Variants in NAT10 observed in about 807,000 individuals in gnomAD.
NAT10 encodes N-acetyltransferase 10.
Under a neutral mutation model 132.2 loss-of-function variants are expected in NAT10, and 109 were observed. The observed-to-expected ratio is 0.82, with a 90% CI of 0.71 to 0.97. NAT10 has a LOEUF of 0.97. NAT10 is among the 50% of genes least tolerant of loss of function. The pLI is 0.00. For missense variants in NAT10, 1,184 were observed against 1,263.4 expected, an observed-to-expected ratio of 0.94 and a Z score of 0.95; for synonymous variants, 479 against 478.0, an observed-to-expected ratio of 1.00 and a Z score of -0.03.
intron 3 of NAT10, among the ~76,000 whole-genome samples, chr11:34,111,773 TACCC>T (rs2134153795): frequency 6.6e-6 from 1 of 152,372 alleles, no homozygotes; most frequent in Non-Finnish European, 1.5e-5. Flanking sequence ...GAGGGTTAGC[TACCC>T]TATTACCCAT....
chr11:34,134,399 T>A lies in NAT10; in HGVS notation c.1815T>A (p.Ile605=). The A allele has an allele frequency of 6.2e-7, 1 of 1,614,160 alleles. No individual in the cohort carries two copies. The highest frequency in any genetic ancestry group is 8.5e-7 in the Non-Finnish European group (1 of 1,180,018). Residue 605 remains isoleucine, a synonymous_variant, in exon 17 of 29, where the codon ATT becomes ATA. Transcript: ENST00000257829. ...SRGKKASGDL[I]PWTVSEQFQD... ...GCAAGAAGGCTTCAGGGGACCTGAT[T>A]CCATGGACAGTGTCAGAACAGGTGA...
intron 25 of NAT10, 103 bp downstream of exon 25, chr11:34,141,311 C>T (rs904460869): frequency 2.9e-5 from 42 of 1,452,590 alleles, no homozygotes; most frequent in Admixed American, 1.1e-4. Flanking sequence ...GCTGTGTTTG[C>T]TGCATCTCGT....
chr11:34,128,404 C>A (rs1051371220), intron 12 of NAT10, among the ~76,000 whole-genome samples: 4 of 151,278 alleles, frequency 2.6e-5, no homozygotes, highest in African/African-American at 9.7e-5. Context: ...ATTCAACCAT[C>A]TGGAGATAGA....
intron 4 of NAT10, 96 bp downstream of exon 4, chr11:34,112,319 A>C: frequency 7.0e-7 from 1 of 1,433,174 alleles, no homozygotes; most frequent in African/African-American, 1.4e-5. Flanking sequence ...CAGTAAGGAG[A>C]GGAGAGTCCC....
In NAT10 at chr11:34,139,399, T is replaced by C. The variant is rs768336283; in HGVS notation, c.2323T>C (p.Phe775Leu). 6.2e-7 allele frequency: 1 copy of C among 1,614,034 alleles called. No homozygotes were observed. The highest frequency in any genetic ancestry group is 8.5e-7 in the Non-Finnish European group (1 of 1,179,966). The stretch of plus-strand genomic sequence containing the variant: ...GCACCCCACAGATTTCCGACGGCGG[T>C]TCCTAGCCTTGCTCTCCTACCAGTT... The part of the protein sequence containing the change: ...AAFWKDFRRR[F>L]LALLSYQFST... Residue 775 changes from phenylalanine (F) to leucine (L), a missense_variant, in exon 23 of 29, where the codon TTC (phenylalanine) becomes CTC (leucine). By Grantham distance (22) the Phe-to-Leu change is conservative. Transcript: ENST00000257829.
intron 21 of NAT10, among the ~76,000 whole-genome samples, chr11:34,138,518 A>T (rs1852260433): frequency 6.6e-6 from 1 of 152,010 alleles, no homozygotes; most frequent in South Asian, 2.1e-4. Context: ...AGATGGGTTG[A>T]GTCTCTGTCA....
chr11:34,107,624 TC>T (rs1289094580), intron 1 of NAT10, among the ~76,000 whole-genome samples: 2 of 152,212 alleles, frequency 1.3e-5, no homozygotes, highest in African/African-American at 4.8e-5. Flanking sequence ...TATATCCATA[TC>T]CTTAGTTGTT....
chr11:34,131,590 A>C (rs1852106289), intron 14 of NAT10, 59 bp downstream of exon 14: 1 of 1,530,746 alleles, frequency 6.5e-7, no homozygotes, highest in African/African-American at 1.4e-5. Flanking sequence ...GAAAGAATTC[A>C]AAGGACTTGA....
chr11:34,141,016 C>T (rs754588272), intron 24 of NAT10, 73 bp from the exon 25 acceptor site: 61 of 1,602,748 alleles, frequency 3.8e-5, no homozygotes, highest in Admixed American at 2.2e-4. Context: ...AGAGAGTACT[C>T]TGGTTCTTGG....
intron 14 of NAT10, 123 bp downstream of exon 14, chr11:34,131,654 C>T: frequency 1.4e-6 from 1 of 715,228 alleles, no homozygotes; most frequent in South Asian, 3.2e-5. Flanking sequence ...TGAACATTTT[C>T]AATTTCCTTT....
Position 34,113,801 on chromosome 11 carries a change from C to A in NAT10, c.458C>A (p.Thr153Asn). Residue 153 changes from threonine to asparagine, a missense_variant, in exon 5 of 29, where the codon ACC becomes AAC. Physicochemically the swap from Thr to Asn is moderately conservative, Grantham distance 65. Coordinates refer to ENST00000257829, the MANE Select transcript of NAT10 (RefSeq NM_024662.3). ...GGGCTAGTGGTCATCCTCCTACGGA[C>A]CATGAACTCACTCAAGCAATTGTAC... ...GGGLVVILLR[T>N]MNSLKQLYTV... 1 of 1,614,036 alleles carries A rather than the reference C, an allele frequency of 6.2e-7. No individual in the cohort carries two copies.
In NAT10 at chr11:34,131,483, A is replaced by G. The variant is rs553656635; in HGVS notation, c.1472A>G (p.Asn491Ser). The G allele has an allele frequency of 8.1e-5, 130 of 1,613,910 alleles. No individual in the cohort carries two copies. The highest frequency in any genetic ancestry group is 1.0e-4 in the Non-Finnish European group (120 of 1,180,012). The change falls in exon 14 of 29, where the codon AAC becomes AGC. Residue 491 changes from asparagine to serine, a missense_variant. By Grantham distance (46) the Asn-to-Ser change is conservative (BLOSUM62 1). Coordinates refer to ENST00000257829, the MANE Select transcript of NAT10 (RefSeq NM_024662.3). The part of the protein sequence containing the change: ...LNDLLCLDCL[N>S]ITRIVSGCPL... ...GACTTGCTGTGCCTGGATTGCCTCA[A>G]CATCACTCGGATAGTCTCAGGCTGC...
At chr11:34,128,545 A>G (rs1852044204) in intron 12 of NAT10, among the ~76,000 whole-genome samples, 1 of 152,232 alleles carries the variant, frequency 6.6e-6, no homozygotes, top group South Asian at 2.1e-4. Flanking sequence ...GTAAATATGT[A>G]TCTCCAATAT....
intron 5 of NAT10, among the ~76,000 whole-genome samples, chr11:34,114,891 G>A (rs1272544140): frequency 6.6e-6 from 1 of 152,140 alleles, no homozygotes; most frequent in East Asian, 1.9e-4. Flanking sequence ...AGTGGCTCAC[G>A]CCTGTAATCC....
intron 25 of NAT10, 103 bp downstream of exon 25, chr11:34,141,311 C>A (rs904460869): frequency 4.1e-6 from 6 of 1,452,582 alleles, no homozygotes; most frequent in Non-Finnish European, 5.7e-6. Flanking sequence ...GCTGTGTTTG[C>A]TGCATCTCGT....
chr11:34,110,993 A>G (rs550277085), intron 3 of NAT10, among the ~76,000 whole-genome samples: 23 of 152,360 alleles, frequency 1.5e-4, no homozygotes, highest in African/African-American at 4.8e-4. Context: ...GGCATTTTTA[A>G]TACAGATTGA....
At chr11:34,137,755 A>T (rs1055447291) in intron 21 of NAT10, among the ~76,000 whole-genome samples, 1 of 152,238 alleles carries the variant, frequency 6.6e-6, no homozygotes, top group Admixed American at 6.5e-5. Flanking sequence ...AGAGGAATGA[A>T]GAGGAGGACA....
In NAT10 at chr11:34,146,504, T is replaced by G; in HGVS notation, c.*312T>G. 4.8e-6 allele frequency: 1 copy of G among 206,290 alleles called. No individual in the cohort carries two copies. The highest frequency in any genetic ancestry group is 9.9e-5 in the South Asian group (1 of 10,082). The allele number at this position is 206,290 out of a possible 1,614,324, so 12.8% of individuals were successfully genotyped here. A position where few individuals can be genotyped will look rare whatever the true frequency, so the allele number is the denominator to read the frequency against. On this transcript the variant is annotated 3_prime_UTR_variant, in exon 29 of 29. Transcript: ENST00000257829. ...ATTTTGCTTTGAGCCAGCTTTTTAG[T>G]CTCATTCCCACACATGTGGAAGCCA...
At chr11:34,138,003 C>T (rs1054332507) in intron 21 of NAT10, among the ~76,000 whole-genome samples, 3 of 152,182 alleles carry the variant, frequency 2.0e-5, no homozygotes, top group Admixed American at 6.5e-5. Context: ...AGAAGGGGAA[C>T]AGGCGACTCT....
Sources: allele counts gnomAD v4.1 joint callset (sites outside exome capture counted in the v4.1 genomes callset), GRCh38; gene constraint gnomAD v4.1.1; transcripts MANE v1.5; gene names NCBI Gene and HGNC (gene_info 2026-07-23, HGNC 2026-07-21).